The following MMP26 variants were observed in gnomAD, a reference collection of about 807,000 sequenced individuals.
MMP26 encodes the protein matrix metallopeptidase 26.
Under a neutral mutation model 31.0 loss-of-function variants are expected in MMP26, and 33 were observed. That is an observed-to-expected ratio of 1.06 (90% confidence interval 0.81 to 1.42). The LOEUF (loss-of-function observed/expected upper bound fraction) is 1.42. MMP26 is among the 40% of genes most tolerant of loss of function. The pLI, the probability that MMP26 is intolerant of heterozygous loss-of-function variation, is 0.00. For missense variants in MMP26, 347 were observed against 316.1 expected, an observed-to-expected ratio of 1.10 and a Z score of -0.74; for synonymous variants, 122 against 114.9, an observed-to-expected ratio of 1.06 and a Z score of -0.40.
At chr11:4,945,386 T>A (rs1452747912) in intron 2 of MMP26, 1 of 152,172 alleles carries the variant, frequency 6.6e-6, no homozygotes, top group Non-Finnish European at 1.5e-5. Flanking sequence ...GATTAATGAG[T>A]ATCTGACGAC....
chr11:4,730,790 C>T lies in MMP26; in HGVS notation c.-217+25745C>T, dbSNP rs376733584. Among the ~76,000 whole-genome samples the T allele has an allele frequency of 2.4e-4, 36 of 152,222 alleles. No individual in the cohort carries two copies. In the South Asian group the frequency reaches 5.6e-3, roughly 24 times the overall value. On this transcript the variant is annotated intron_variant, in intron 1 of 7. Coordinates refer to ENST00000380390, the MANE Select transcript of MMP26 (RefSeq NM_021801.5). ...AACTCCCAAGGATAGCTGGTAGACC[C>T]TACAAAGATGCTGCACCCTGCTACA...
rs199598163 is a variant in MMP26, at chr11:4,721,175, G to C, written c.-217+16130G>C. Reference sequence around the variant, plus strand: ...TATAGAATGGTGGATTTGGAGCTGAGAAAGCCAATAGCCACCACAATGGAG... The same window carrying C: ...TATAGAATGGTGGATTTGGAGCTGACAAAGCCAATAGCCACCACAATGGAG... On this transcript the variant is annotated intron_variant, in intron 1 of 7. Coordinates refer to ENST00000380390, the MANE Select transcript of MMP26 (RefSeq NM_021801.5). Among the ~76,000 whole-genome samples the C allele has an allele frequency of 2.6e-4, 39 of 152,254 alleles. No individual in the cohort carries two copies. In the East Asian group the frequency reaches 6.8e-3, roughly 26 times the overall value.
intron 1 of MMP26, among the ~76,000 whole-genome samples, chr11:4,714,088 C>T (rs2133268073): frequency 6.6e-6 from 1 of 152,238 alleles, no homozygotes; most frequent in East Asian, 1.9e-4. Flanking sequence ...TCCTCAGGCT[C>T]CTTTCTGGAA....
chr11:4,758,142 A>G (rs1458141227), intron 1 of MMP26, among the ~76,000 whole-genome samples: 2 of 152,224 alleles, frequency 1.3e-5, no homozygotes, highest in East Asian at 3.8e-4. Context: ...AAATTGTGAA[A>G]TATCCATAGG....
In MMP26 at chr11:4,975,171, G is replaced by A. The variant is rs1378898380; in HGVS notation, c.-144-12897G>A. 2.6e-5 allele frequency among the ~76,000 whole-genome samples: 4 copies of A among 152,068 alleles called. No homozygotes were observed. In the East Asian group the frequency reaches 5.8e-4, roughly 22 times the overall value. Reference sequence around the variant, plus strand: ...TTCTGGATTTAATAAGAAATTACATGCAAACAAACAAACAAAACACAAGAA... The same window carrying A: ...TTCTGGATTTAATAAGAAATTACATACAAACAAACAAACAAAACACAAGAA... On this transcript the variant is annotated intron_variant, in intron 2 of 7. Coordinates refer to ENST00000380390, the MANE Select transcript of MMP26 (RefSeq NM_021801.5).
At chr11:4,796,415 C>A (rs1162856678) in intron 2 of MMP26, among the ~76,000 whole-genome samples, 2 of 152,140 alleles carry the variant, frequency 1.3e-5, no homozygotes, top group Non-Finnish European at 2.9e-5. Context: ...TATTGCATTT[C>A]TGTTCTGTTT....
At chr11:4,927,873 A>T (rs889883746) in intron 2 of MMP26, among the ~76,000 whole-genome samples, 3 of 152,120 alleles carry the variant, frequency 2.0e-5, no homozygotes, top group African/African-American at 7.2e-5. Context: ...TAATGAGATT[A>T]AAAAATCAGG....
chr11:4,733,373 G>A (rs79629893), intron 1 of MMP26, among the ~76,000 whole-genome samples: 1,736 of 152,196 alleles, frequency 0.011, 24 homozygotes, highest in African/African-American at 0.039. Flanking sequence ...TATTTTCAGT[G>A]TGAAAGTCTT....
intron 2 of MMP26, among the ~76,000 whole-genome samples, chr11:4,787,896 A>G (rs1848970472): frequency 1.3e-5 from 2 of 152,212 alleles, no homozygotes; most frequent in Non-Finnish European, 2.9e-5. Context: ...CTTAAACCAC[A>G]GTTCTTTGAA....
At chr11:4,744,402 A>C (rs984639458) in intron 1 of MMP26, among the ~76,000 whole-genome samples, 1 of 152,206 alleles carries the variant, frequency 6.6e-6, no homozygotes, top group Admixed American at 6.5e-5. Context: ...ATTTTCTTTT[A>C]GAAATATATT....
At chr11:4,959,059 A>G (rs1846483483) in intron 2 of MMP26, among the ~76,000 whole-genome samples, 1 of 151,914 alleles carries the variant, frequency 6.6e-6, no homozygotes, top group Non-Finnish European at 1.5e-5. Context: ...TAACACGGTG[A>G]AACCCAGTCT....
At position 4,891,159 on chromosome 11, in the gene MMP26, T is replaced by C. The variant is rs114433491; in HGVS notation, c.-144-96909T>C. The stretch of plus-strand genomic sequence containing the variant: ...CAAGGTGTGACAGGCTGTTCTCCCA[T>C]TGCTATAAGAAATGCCTGAAGCTGG... On this transcript the variant is annotated intron_variant, in intron 2 of 7. Coordinates refer to ENST00000380390, the MANE Select transcript of MMP26 (RefSeq NM_021801.5). Among the ~76,000 whole-genome samples, 1,493 of 152,190 alleles carry C rather than the reference T, an allele frequency of 9.8e-3. 24 individuals carry two copies. Among genetic ancestry groups the C allele is most frequent in the African/African-American group, 0.034 (1,426 of 41,516 alleles).
chr11:4,818,935 TA>T (rs1247000456), intron 2 of MMP26, among the ~76,000 whole-genome samples: 5 of 152,172 alleles, frequency 3.3e-5, no homozygotes, highest in African/African-American at 1.2e-4. Context: ...TGTACTCAGA[TA>T]AAGACAAGCT....
chr11:4,800,226 C>T (rs1016913488), intron 2 of MMP26, among the ~76,000 whole-genome samples: 1 of 152,220 alleles, frequency 6.6e-6, no homozygotes, highest in Non-Finnish European at 1.5e-5. Flanking sequence ...TGCCTAGGCA[C>T]TCAGGCTTTC....
chr11:4,898,947 GGCAGTA>G (rs1850761934), intron 2 of MMP26, among the ~76,000 whole-genome samples: 1 of 151,686 alleles, frequency 6.6e-6, no homozygotes, highest in African/African-American at 2.4e-5. Flanking sequence ...TGACAGTCAA[GGCAGTA>G]GCAATTGAGG....
At chr11:4,786,499 T>TTTTTC (rs1193529001) in intron 2 of MMP26, among the ~76,000 whole-genome samples, 4 of 115,062 alleles carry the variant, frequency 3.5e-5, no homozygotes, top group African/African-American at 9.5e-5. Flanking sequence ...GATCCTTTTT[T>TTTTTC]TTTTTTTTTT....
chr11:4,874,124 A>T (rs1850347722), intron 2 of MMP26, among the ~76,000 whole-genome samples: 1 of 152,156 alleles, frequency 6.6e-6, no homozygotes, highest in Non-Finnish European at 1.5e-5. Flanking sequence ...AATTTTCTGC[A>T]GCGATGAAAC....
intron 2 of MMP26, among the ~76,000 whole-genome samples, chr11:4,811,837 T>C (rs1244196666): frequency 1.3e-5 from 2 of 152,070 alleles, no homozygotes; most frequent in Non-Finnish European, 2.9e-5. Context: ...CTTTTTAAGT[T>C]TAGTAGGGGA....
chr11:4,939,481 A>G (rs1846176835), intron 2 of MMP26, among the ~76,000 whole-genome samples: 1 of 152,130 alleles, frequency 6.6e-6, no homozygotes, highest in African/African-American at 2.4e-5. Context: ...AAGAGTGGCT[A>G]TCTTTTCCAA....
Sources: gnomAD v4.1 joint callset for allele counts (sites outside exome capture counted in the v4.1 genomes callset) on GRCh38, gnomAD v4.1.1 for gene constraint, MANE v1.5 for transcripts, NCBI Gene and HGNC (gene_info 2026-07-23, HGNC 2026-07-21) for gene names.